CDH12: variants seen among roughly 807,000 people sequenced by gnomAD.
CDH12 encodes the protein cadherin 12.
In CDH12, 41 loss-of-function variants were observed where a neutral mutation model predicts 74.1. The ratio of observed to expected loss-of-function variants is 0.55; its 90% confidence interval spans 0.43 to 0.72. The LOEUF is 0.72. Among genes scored for constraint, CDH12 ranks in the 30% least tolerant of loss-of-function variants. CDH12 has a pLI of 0.00. For missense variants in CDH12, 945 were observed against 977.2 expected, an observed-to-expected ratio of 0.97 and a Z score of 0.44; for synonymous variants, 399 against 355.0, an observed-to-expected ratio of 1.12 and a Z score of -1.39.
At chr5:22,229,457 A>AAC (rs1034993978) in intron 3 of CDH12, among the ~76,000 whole-genome samples, 5 of 151,848 alleles carry the variant, frequency 3.3e-5, no homozygotes, top group African/African-American at 1.2e-4. Context: ...AAAAAAAAAA[A>AAC]AAAAAAGATT....
At chr5:22,617,172 C>T (rs1465964413) in intron 1 of CDH12, among the ~76,000 whole-genome samples, 1 of 152,004 alleles carries the variant, frequency 6.6e-6, no homozygotes, top group Non-Finnish European at 1.5e-5. Flanking sequence ...CCATGCCTGG[C>T]TGGATTAACA....
intron 1 of CDH12, among the ~76,000 whole-genome samples, chr5:22,713,419 G>T (rs1348860423): frequency 6.6e-6 from 1 of 151,876 alleles, no homozygotes; most frequent in South Asian, 2.1e-4. Flanking sequence ...GGGATTACAG[G>T]CATGAGCCAC....
chr5:22,611,531 C>T (rs780185385), intron 1 of CDH12, among the ~76,000 whole-genome samples: 9 of 152,068 alleles, frequency 5.9e-5, no homozygotes, highest in Non-Finnish European at 1.0e-4. Flanking sequence ...CCAGCAGGAA[C>T]AATGCAGTAC....
intron 1 of CDH12, among the ~76,000 whole-genome samples, chr5:22,550,593 G>A (rs558105300): frequency 1.4e-4 from 22 of 152,178 alleles, no homozygotes; most frequent in African/African-American, 5.3e-4. Flanking sequence ...CTACCTAATA[G>A]CTTTACTACT....
chr5:22,330,624 A>G (rs553583692), intron 3 of CDH12, among the ~76,000 whole-genome samples: 4 of 151,692 alleles, frequency 2.6e-5, no homozygotes, highest in African/African-American at 9.7e-5. Flanking sequence ...GGTGGTGCAC[A>G]TCTGCAGTCC....
At chr5:22,508,668 C>G (rs1220214573) in intron 1 of CDH12, among the ~76,000 whole-genome samples, 3 of 152,172 alleles carry the variant, frequency 2.0e-5, no homozygotes, top group Admixed American at 6.5e-5. Context: ...CATTTCCTTT[C>G]TATGAATCCC....
At chr5:22,594,800 T>A (rs776799453) in intron 1 of CDH12, among the ~76,000 whole-genome samples, 1 of 139,182 alleles carries the variant, frequency 7.2e-6, no homozygotes, top group Non-Finnish European at 1.6e-5. Flanking sequence ...AGGAACATAC[T>A]GCTGAGGGGA....
intron 3 of CDH12, among the ~76,000 whole-genome samples, chr5:22,298,006 G>T (rs10035550): frequency 0.018 from 2,689 of 151,578 alleles, 31 homozygotes; most frequent in Middle Eastern, 0.024. Flanking sequence ...GCCAGCTATT[G>T]CTTTTAATAG....
intron 3 of CDH12, among the ~76,000 whole-genome samples, chr5:22,282,213 C>T (rs1014045359): frequency 6.6e-6 from 1 of 152,110 alleles, no homozygotes; most frequent in African/African-American, 2.4e-5. Flanking sequence ...AAACTGGACC[C>T]CTTTCTTAAA....
chr5:21,827,411 G>A (rs1346236344), intron 8 of CDH12, among the ~76,000 whole-genome samples: 1 of 152,100 alleles, frequency 6.6e-6, no homozygotes, highest in Non-Finnish European at 1.5e-5. Flanking sequence ...GTCATTAGGA[G>A]ATGTGACAAG....
chr5:22,423,526 T>C (rs895298890), intron 2 of CDH12, among the ~76,000 whole-genome samples: 1 of 152,200 alleles, frequency 6.6e-6, no homozygotes, highest in African/African-American at 2.4e-5. Context: ...GATAGGTCTA[T>C]TGTAGAAAAG....
intron 1 of CDH12, among the ~76,000 whole-genome samples, chr5:22,576,984 T>C (rs1444876372): frequency 6.6e-6 from 1 of 152,192 alleles, no homozygotes; most frequent in Non-Finnish European, 1.5e-5. Flanking sequence ...GAATCATATT[T>C]ACAAAATGAT....
At chr5:22,312,290 C>T (rs1461687715) in intron 3 of CDH12, among the ~76,000 whole-genome samples, 4 of 152,016 alleles carry the variant, frequency 2.6e-5, no homozygotes, top group Admixed American at 2.6e-4. Context: ...CCAAAGAAAG[C>T]ATCCATGGAA....
intron 2 of CDH12, among the ~76,000 whole-genome samples, chr5:22,472,036 G>A (rs1009602127): frequency 2.6e-4 from 39 of 152,224 alleles, no homozygotes; most frequent in Admixed American, 1.4e-3. Flanking sequence ...CAGGGTAAGG[G>A]AATTCTTTCT....
chr5:21,780,352 T>C (rs1469629606), intron 11 of CDH12, among the ~76,000 whole-genome samples: 1 of 152,194 alleles, frequency 6.6e-6, no homozygotes, highest in Admixed American at 6.5e-5. Flanking sequence ...TCTAAATTGT[T>C]GAAGCTCAAG....
Position 22,383,096 on chromosome 5 carries a change from G to C in CDH12, c.-333+22161C>G, listed in dbSNP as rs529158322. Among the ~76,000 whole-genome samples, 13 of 54,144 alleles carry C rather than the reference G, an allele frequency of 2.4e-4. No individual in the cohort carries two copies. The South Asian group carries it at 6.7e-3, about 28-fold the overall frequency. 35.5% of individuals were successfully genotyped at this position (54,144 alleles called of 152,430 possible). The stretch of plus-strand genomic sequence containing the variant: ...ATCCACCCTCCTCGGCCTCGCAAAG[G>C]CTGGGATTACAGGCGTGAGCCACTG... On this transcript the variant is annotated intron_variant, in intron 3 of 14. Transcript: ENST00000382254.
At chr5:22,752,856 G>A (rs1745667235) in intron 1 of CDH12, among the ~76,000 whole-genome samples, 1 of 151,762 alleles carries the variant, frequency 6.6e-6, no homozygotes, top group Admixed American at 6.6e-5. Context: ...TTACAGGCGT[G>A]AGCCACCGCG....
intron 1 of CDH12, among the ~76,000 whole-genome samples, chr5:22,628,361 T>C (rs1738407428): frequency 6.6e-6 from 1 of 152,098 alleles, no homozygotes; most frequent in South Asian, 2.1e-4. Context: ...AAAACAATTC[T>C]CAGCAAATTC....
In CDH12 at chr5:22,300,002, A is replaced by T. The variant is rs778227437; in HGVS notation, c.-332-87359T>A. 3.7e-4 allele frequency among the ~76,000 whole-genome samples: 56 copies of T among 152,304 alleles called. 1 individual carries two copies. Among genetic ancestry groups the T allele is most frequent in the South Asian group, 6.2e-4 (3 of 4,830 alleles). ...GCATAGATACAAAGGATGACAATAGATTGAGAGGTTATAATTTCACATTTT... is the reference window on the plus strand; with the variant it reads ...GCATAGATACAAAGGATGACAATAGTTTGAGAGGTTATAATTTCACATTTT... On this transcript the variant is annotated intron_variant, in intron 3 of 14. Transcript: ENST00000382254.
Sources: gnomAD v4.1 joint callset for allele counts (sites outside exome capture counted in the v4.1 genomes callset) on GRCh38, gnomAD v4.1.1 for gene constraint, MANE v1.5 for transcripts, NCBI Gene and HGNC (gene_info 2026-07-23, HGNC 2026-07-21) for gene names.